Variants in ADK observed in about 807,000 individuals in gnomAD.
The protein encoded by ADK is adenosine kinase.
Under a neutral mutation model 44.7 loss-of-function variants are expected in ADK, and 24 were observed. The ratio of observed to expected loss-of-function variants is 0.54; its 90% confidence interval spans 0.39 to 0.76. The LOEUF is 0.76. Ranked by LOEUF, ADK falls within the 30% of genes least tolerant of loss-of-function variation. ADK has a pLI of 0.00. For synonymous variants in ADK, 128 were observed against 142.6 expected, an observed-to-expected ratio of 0.90 and a Z score of 0.73; for missense variants, 321 against 425.1, an observed-to-expected ratio of 0.76 and a Z score of 2.15.
rs145232146 is a variant in ADK, at chr10:74,659,142, C to T, written c.878-11041C>T. On this transcript the variant is annotated intron_variant, in intron 9 of 10. Coordinates refer to ENST00000539909, the MANE Select transcript of ADK (RefSeq NM_006721.4). ...GCTGAGGCAGGAAGATCACTTCAGC[C>T]CAGAGCTCAAGGCTGCAGTGAGCTG... Among the ~76,000 whole-genome samples the T allele has an allele frequency of 3.9e-5, 6 of 152,224 alleles. No homozygotes were observed. In the East Asian group the frequency reaches 1.2e-3, roughly 29 times the overall value.
intron 3 of ADK, among the ~76,000 whole-genome samples, chr10:74,273,550 C>G (rs937966897): frequency 6.6e-6 from 1 of 151,994 alleles, no homozygotes; most frequent in Non-Finnish European, 1.5e-5. Context: ...CTCTGCCTCC[C>G]AAGTTCAAGC....
intron 3 of ADK, among the ~76,000 whole-genome samples, chr10:74,267,558 C>T (rs76071908): frequency 0.02 from 2,987 of 151,984 alleles, 81 homozygotes; most frequent in African/African-American, 0.058. Context: ...ATATGTGTAT[C>T]GTGCAGGTGA....
At chr10:74,458,678 C>G (rs1295833717) in intron 6 of ADK, among the ~76,000 whole-genome samples, 3 of 152,040 alleles carry the variant, frequency 2.0e-5, no homozygotes, top group East Asian at 3.9e-4. Context: ...ATTCTATACA[C>G]TACACCGGTA....
chr10:74,684,429 GA>G (rs1855719777), intron 10 of ADK, among the ~76,000 whole-genome samples: 1 of 152,072 alleles, frequency 6.6e-6, no homozygotes, highest in Admixed American at 6.5e-5. Flanking sequence ...ATAAATGCAT[GA>G]TTTTTTTTTC....
chr10:74,599,657 G>C (rs1454656522), intron 8 of ADK, among the ~76,000 whole-genome samples: 1 of 152,158 alleles, frequency 6.6e-6, no homozygotes, highest in Admixed American at 6.5e-5. Context: ...TTTAGCTCAA[G>C]GTTAGGTTTC....
chr10:74,416,033 T>C (rs200385514), intron 6 of ADK, among the ~76,000 whole-genome samples: 2,150 of 145,394 alleles, frequency 0.015, 88 homozygotes, highest in Admixed American at 0.095. Context: ...CATACATATA[T>C]ACACACACAC....
At chr10:74,472,211 A>T (rs937430644) in intron 6 of ADK, among the ~76,000 whole-genome samples, 2 of 152,134 alleles carry the variant, frequency 1.3e-5, no homozygotes, top group Non-Finnish European at 2.9e-5. Flanking sequence ...GGTAAAAAAA[A>T]GTGGCAAGGG....
chr10:74,385,279 G>T (rs1404484914), intron 4 of ADK, among the ~76,000 whole-genome samples: 1 of 152,156 alleles, frequency 6.6e-6, no homozygotes, highest in Non-Finnish European at 1.5e-5. Context: ...AGGAGTAAAA[G>T]TGTGTCAATT....
chr10:74,279,007 G>A lies in ADK; in HGVS notation c.195-35660G>A, dbSNP rs577726869. The stretch of plus-strand genomic sequence containing the variant: ...TAAAAAAAATTGAGGCCAGCTGGGC[G>A]CGGTGGCTCACGCCTGTAATCCCAG... On this transcript the variant is annotated intron_variant, in intron 3 of 10. Transcript: ENST00000539909. Among the ~76,000 whole-genome samples, 102 of 152,204 alleles carry A rather than the reference G, an allele frequency of 6.7e-4. No individual in the cohort carries two copies. The South Asian group carries it at 0.014, about 21-fold the overall frequency.
chr10:74,505,150 T>A (rs748175403), intron 6 of ADK, among the ~76,000 whole-genome samples: 1 of 152,170 alleles, frequency 6.6e-6, no homozygotes, highest in African/African-American at 2.4e-5. Context: ...AGTGTAACTT[T>A]ACAGAAATAC....
At chr10:74,373,584 T>A (rs1376428263) in intron 4 of ADK, among the ~76,000 whole-genome samples, 1 of 152,146 alleles carries the variant, frequency 6.6e-6, no homozygotes, top group Non-Finnish European at 1.5e-5. Context: ...CATAATTAGC[T>A]ATCAGGTATA....
At chr10:74,391,236 C>A (rs956006678) in intron 4 of ADK, among the ~76,000 whole-genome samples, 1 of 151,802 alleles carries the variant, frequency 6.6e-6, no homozygotes, top group Non-Finnish European at 1.5e-5. Flanking sequence ...AATTTGATAC[C>A]TTCTTTGATT....
At chr10:74,532,002 A>G (rs1436084942) in intron 7 of ADK, among the ~76,000 whole-genome samples, 1 of 152,236 alleles carries the variant, frequency 6.6e-6, no homozygotes, top group Non-Finnish European at 1.5e-5. Flanking sequence ...TCCCTCATAA[A>G]CACAGATGTA....
chr10:74,325,072 G>A (rs1447490098), intron 4 of ADK, among the ~76,000 whole-genome samples: 1 of 152,096 alleles, frequency 6.6e-6, no homozygotes, highest in African/African-American at 2.4e-5. Context: ...TGAATCTGTA[G>A]ATCACTTTGG....
chr10:74,598,782 C>A (rs924155130), intron 8 of ADK, among the ~76,000 whole-genome samples: 1 of 152,068 alleles, frequency 6.6e-6, no homozygotes, highest in African/African-American at 2.4e-5. Context: ...CTTATATCAC[C>A]TTGAAGAAAG....
chr10:74,206,745 T>G (rs1335297507), intron 2 of ADK, among the ~76,000 whole-genome samples: 1 of 152,186 alleles, frequency 6.6e-6, no homozygotes. Flanking sequence ...AGTATGCTGT[T>G]TTTCACTCAA....
chr10:74,672,609 A>G (rs1012898989), intron 10 of ADK, among the ~76,000 whole-genome samples: 2 of 152,176 alleles, frequency 1.3e-5, no homozygotes, highest in Non-Finnish European at 2.9e-5. Context: ...AGATCCCAAA[A>G]CACTGGGTCA....
At chr10:74,586,188 GTC>G (rs1386846475) in intron 7 of ADK, among the ~76,000 whole-genome samples, 1 of 152,340 alleles carries the variant, frequency 6.6e-6, no homozygotes, top group Non-Finnish European at 1.5e-5. Flanking sequence ...CTGTGGGAAA[GTC>G]TGCAGTGATA....
intron 7 of ADK, among the ~76,000 whole-genome samples, chr10:74,568,547 A>G: frequency 6.6e-6 from 1 of 152,134 alleles, no homozygotes; most frequent in East Asian, 1.9e-4. Flanking sequence ...AGCAAAAGCA[A>G]GTTTATTAAG....
Sources: allele counts gnomAD v4.1 joint callset (sites outside exome capture counted in the v4.1 genomes callset), GRCh38; gene constraint gnomAD v4.1.1; transcripts MANE v1.5; gene names NCBI Gene and HGNC (gene_info 2026-07-23, HGNC 2026-07-21).